The following EDIL3 variants were observed in gnomAD, a reference collection of about 807,000 sequenced individuals.
EDIL3 encodes EGF like and discoidin domains 3.
Under a neutral mutation model 67.4 loss-of-function variants are expected in EDIL3, and 37 were observed. The observed-to-expected ratio is 0.55, with a 90% CI of 0.42 to 0.72. The LOEUF (loss-of-function observed/expected upper bound fraction) is 0.72. Among genes scored for constraint, EDIL3 ranks in the 30% least tolerant of loss-of-function variants. The pLI is 0.00. For missense variants in EDIL3, 527 were observed against 586.3 expected (o/e 0.90, Z 1.04); for synonymous variants, 195 against 196.3 (o/e 0.99, Z 0.05).
Position 84,188,189 on chromosome 5 carries a change from T to C in EDIL3, c.227-7668A>G, listed in dbSNP as rs963186317. On this transcript the variant is annotated intron_variant, in intron 3 of 10. Transcript: ENST00000296591. ...ACTGAGATGACCAGTGGAGATGCTTTAGAGGTCTTTGTCCTTGTTTACATT... is the reference window on the plus strand; with the variant it reads ...ACTGAGATGACCAGTGGAGATGCTTCAGAGGTCTTTGTCCTTGTTTACATT... Among the ~76,000 whole-genome samples, 18 of 152,074 alleles carry C rather than the reference T, an allele frequency of 1.2e-4. 1 individual carries two copies. The highest frequency in any genetic ancestry group is 3.9e-4 in the African/African-American group (16 of 41,428).
chr5:84,066,756 A>T, intron 6 of EDIL3, 150 bp from the exon 7 acceptor site: 1 of 1,032,464 alleles, frequency 9.7e-7, no homozygotes, highest in Non-Finnish European at 1.4e-6. Flanking sequence ...TACAATAGGC[A>T]TATATTAAAT....
At chr5:84,003,038 G>A (rs1745358102) in intron 9 of EDIL3, among the ~76,000 whole-genome samples, 1 of 152,152 alleles carries the variant, frequency 6.6e-6, no homozygotes, top group East Asian at 1.9e-4. Flanking sequence ...CACTGCTGTT[G>A]TAGTGCTACC....
rs571966908 is a variant in EDIL3, at chr5:84,032,352, A to G, written c.1137+27948T>C. Among the ~76,000 whole-genome samples the G allele has an allele frequency of 2.0e-5, 3 of 152,366 alleles. No individual in the cohort carries two copies. The East Asian group carries it at 5.8e-4, about 29-fold the overall frequency. On this transcript the variant is annotated intron_variant, in intron 9 of 10. Coordinates refer to ENST00000296591, the MANE Select transcript of EDIL3 (RefSeq NM_005711.5). ...TTAAAATTAAAACTATTCATAAAATAGAACTATTAAATCTTATTTGACAAC... is the reference window on the plus strand; with the variant it reads ...TTAAAATTAAAACTATTCATAAAATGGAACTATTAAATCTTATTTGACAAC...
chr5:84,063,322 G>C (rs768170724), intron 8 of EDIL3, among the ~76,000 whole-genome samples: 3 of 152,080 alleles, frequency 2.0e-5, no homozygotes, highest in Non-Finnish European at 4.4e-5. Flanking sequence ...ATAGTGAGAT[G>C]CAATACAAAC....
chr5:84,086,725 G>A (rs901017377), intron 6 of EDIL3, among the ~76,000 whole-genome samples: 1 of 152,172 alleles, frequency 6.6e-6, no homozygotes, highest in Non-Finnish European at 1.5e-5. Context: ...TATTAGGTAT[G>A]AGACAGTTCA....
Position 84,064,780 on chromosome 5 carries a change from GC to G in EDIL3, c.871del (p.Ala291LeufsTer4). 1 of 1,613,912 alleles carries G rather than the reference GC, an allele frequency of 6.2e-7. No individual in the cohort carries two copies. The highest frequency in any genetic ancestry group is 8.5e-7 in the Non-Finnish European group (1 of 1,179,848). ...TTGGGGATAGAGTCTTACATACTGA[GC>G]TTTTATGGGGGGTGTGAAAGAGTTA... The part of the protein sequence containing the change: ...YANSFTPPIK[A>X]QYVRLYPQVC... On this transcript the variant is annotated frameshift_variant, in exon 8 of 11. Transcript: ENST00000296591. LOFTEE classifies it high-confidence loss of function.
At chr5:84,318,636 C>T (rs1746562815) in intron 1 of EDIL3, among the ~76,000 whole-genome samples, 1 of 152,190 alleles carries the variant, frequency 6.6e-6, no homozygotes, top group South Asian at 2.1e-4. Flanking sequence ...CCCTTCCTTA[C>T]ACTGTATACA....
chr5:84,214,925 C>A (rs1744197911), intron 3 of EDIL3, among the ~76,000 whole-genome samples: 1 of 151,846 alleles, frequency 6.6e-6, no homozygotes, highest in Non-Finnish European at 1.5e-5. Flanking sequence ...CACTGTGCTG[C>A]CCAGGGTGGT....
At chr5:84,340,714 C>T (rs1747094429) in intron 1 of EDIL3, among the ~76,000 whole-genome samples, 1 of 151,554 alleles carries the variant, frequency 6.6e-6, no homozygotes, top group Admixed American at 6.6e-5. Flanking sequence ...ACTTTAAAGG[C>T]ATTACATAAA....
chr5:84,262,232 C>T (rs1013204976), intron 1 of EDIL3, among the ~76,000 whole-genome samples: 2 of 152,088 alleles, frequency 1.3e-5, no homozygotes, highest in African/African-American at 4.8e-5. Context: ...CCAGTTAAAT[C>T]AGAATCTCTG....
chr5:84,236,131 A>T (rs2112051150), intron 2 of EDIL3, among the ~76,000 whole-genome samples: 1 of 152,218 alleles, frequency 6.6e-6, no homozygotes, highest in Non-Finnish European at 1.5e-5. Flanking sequence ...GGTATAAATG[A>T]GAAAAATAAC....
chr5:84,015,761 G>A lies in EDIL3; in HGVS notation c.1137+44539C>T, dbSNP rs2112185475. On this transcript the variant is annotated intron_variant, in intron 9 of 10. Transcript: ENST00000296591. The stretch of plus-strand genomic sequence containing the variant: ...TCTAAAACTCATGGAACTTCTCTCT[G>A]AAAATAAACCATGCTGAGAAGCCTT... Among the ~76,000 whole-genome samples, 3 of 152,266 alleles carry A rather than the reference G, an allele frequency of 2.0e-5. No homozygotes were observed. In the South Asian group the frequency reaches 6.2e-4, roughly 32 times the overall value.
At chr5:84,217,364 ATAGT>A (rs1744249435) in intron 3 of EDIL3, among the ~76,000 whole-genome samples, 1 of 152,188 alleles carries the variant, frequency 6.6e-6, no homozygotes, top group African/African-American at 2.4e-5. Flanking sequence ...GTTCTCTGAG[ATAGT>A]TAAATTTTAC....
chr5:84,254,017 AG>A, intron 2 of EDIL3, 66 bp downstream of exon 2: 1 of 1,503,774 alleles, frequency 6.6e-7, no homozygotes, highest in Non-Finnish European at 8.9e-7. Context: ...AATGCACCAC[AG>A]CCAAACTGCC....
chr5:84,119,212 G>GTTTTTTTTTTTTTT, intron 5 of EDIL3, among the ~76,000 whole-genome samples: 1 of 82,306 alleles, frequency 1.2e-5, no homozygotes, highest in Non-Finnish European at 2.2e-5. Flanking sequence ...CATGCATTTG[G>GTTTTTTTTTTTTTT]TTTTTTTTTT....
intron 8 of EDIL3, among the ~76,000 whole-genome samples, chr5:84,063,287 A>T (rs1209028961): frequency 6.6e-6 from 1 of 152,116 alleles, no homozygotes; most frequent in East Asian, 1.9e-4. Flanking sequence ...TAAATGGCTT[A>T]GGGATGACAC....
intron 1 of EDIL3, among the ~76,000 whole-genome samples, chr5:84,274,313 G>A (rs79006971): frequency 6.6e-6 from 1 of 151,950 alleles, no homozygotes; most frequent in African/African-American, 2.4e-5. Context: ...TGTTGCTCAG[G>A]CTGGTCTTGA....
chr5:84,360,949 G>T (rs945861979), intron 1 of EDIL3, among the ~76,000 whole-genome samples: 2 of 151,948 alleles, frequency 1.3e-5, no homozygotes, highest in East Asian at 3.8e-4. Flanking sequence ...TCTTCTGGGG[G>T]TATTTTTTCT....
intron 6 of EDIL3, among the ~76,000 whole-genome samples, chr5:84,076,372 G>C (rs749336537): frequency 1.4e-4 from 22 of 152,212 alleles, no homozygotes; most frequent in Admixed American, 8.5e-4. Flanking sequence ...TTTAACAAAA[G>C]TAGTTTGTTA....
Sources: gnomAD v4.1 joint callset for allele counts (sites outside exome capture counted in the v4.1 genomes callset) on GRCh38, gnomAD v4.1.1 for gene constraint, MANE v1.5 for transcripts, NCBI Gene and HGNC (gene_info 2026-07-23, HGNC 2026-07-21) for gene names.